The following FSTL4 variants were observed in gnomAD, a reference collection of about 807,000 sequenced individuals.
FSTL4 encodes the protein follistatin like 4.
FSTL4 carries 28 observed loss-of-function variants against 78.2 expected under a neutral mutation model. That is an observed-to-expected ratio of 0.36 (90% confidence interval 0.27 to 0.49). FSTL4 has a LOEUF of 0.49. FSTL4 is among the 20% of genes least tolerant of loss of function. The probability of loss-of-function intolerance (pLI) is 0.98; values close to 1 mark genes in which losing one functional copy is unlikely to be tolerated. For synonymous variants in FSTL4, 422 were observed against 440.5 expected (o/e 0.96, Z 0.53); for missense variants, 922 against 1,084.9 (o/e 0.85, Z 2.11).
In FSTL4 at chr5:133,342,248, C is replaced by T. The variant is rs147868291; in HGVS notation, c.410-25596G>A. Among the ~76,000 whole-genome samples, 253 of 152,114 alleles carry T rather than the reference C, an allele frequency of 1.7e-3. 2 individuals are homozygous for T. The highest frequency in any genetic ancestry group is 9.5e-3 in the East Asian group (49 of 5,180). On this transcript the variant is annotated intron_variant, in intron 4 of 15. Transcript: ENST00000265342. ...ACCCCCATGTGGCTGCAGAGAGAGG[C>T]GGCAGAGGTAGGAGGAGAAGCTGTG...
Position 133,309,521 on chromosome 5 carries a change from C to T in FSTL4, c.727+3133G>A, listed in dbSNP as rs777307552. 4.6e-5 allele frequency among the ~76,000 whole-genome samples: 7 copies of T among 152,262 alleles called. No homozygotes were observed. In the East Asian group the frequency reaches 5.8e-4, roughly 13 times the overall value. On this transcript the variant is annotated intron_variant, in intron 6 of 15. Transcript: ENST00000265342. ...GAGGAGAGTCACCTGTTCCTCAGAGCCAGGAAGGGGGTACAGCCCCATCAC... is the reference window on the plus strand; with the variant it reads ...GAGGAGAGTCACCTGTTCCTCAGAGTCAGGAAGGGGGTACAGCCCCATCAC...
chr5:133,487,771 A>G (rs1372275962), intron 3 of FSTL4, among the ~76,000 whole-genome samples: 4 of 152,116 alleles, frequency 2.6e-5, no homozygotes, highest in African/African-American at 4.8e-5. Flanking sequence ...TGCCCCACTG[A>G]GCTCATTTCC....
the FSTL4 span, among the ~76,000 whole-genome samples, chr5:133,667,006 A>G: frequency 1.3e-5 from 2 of 152,208 alleles, no homozygotes; most frequent in Non-Finnish European, 2.9e-5. Flanking sequence ...AGGCTCATGT[A>G]ACCAACTGCC....
chr5:133,492,143 T>G (rs540416194), intron 3 of FSTL4, among the ~76,000 whole-genome samples: 173 of 152,290 alleles, frequency 1.1e-3, no homozygotes, highest in African/African-American at 3.9e-3. Context: ...ACGCCTAAAG[T>G]TTTTTAAGGC....
At chr5:133,782,915 G>T in the FSTL4 span, among the ~76,000 whole-genome samples, 1 of 152,178 alleles carries the variant, frequency 6.6e-6, no homozygotes, top group African/African-American at 2.4e-5. Flanking sequence ...GGAGGGAGGA[G>T]GAACCCTGTC....
intron 4 of FSTL4, among the ~76,000 whole-genome samples, chr5:133,329,508 G>A (rs1444602375): frequency 6.6e-6 from 1 of 152,154 alleles, no homozygotes; most frequent in African/African-American, 2.4e-5. Context: ...GAGGAGCAAG[G>A]AGAGCCAGTC....
the FSTL4 span, among the ~76,000 whole-genome samples, chr5:133,775,656 A>G: frequency 3.3e-5 from 5 of 152,222 alleles, no homozygotes; most frequent in Non-Finnish European, 7.3e-5. Flanking sequence ...AAGGTGGAAG[A>G]GTAGATTGTA....
chr5:133,271,608 C>T (rs1752766585), intron 6 of FSTL4, among the ~76,000 whole-genome samples: 1 of 152,198 alleles, frequency 6.6e-6, no homozygotes, highest in African/African-American at 2.4e-5. Flanking sequence ...TACCAAGTCC[C>T]TTCTGTTCTC....
At chr5:133,224,411 C>T (rs1171777850) in intron 10 of FSTL4, 195 bp from the exon 11 acceptor site, 3 of 482,094 alleles carry the variant, frequency 6.2e-6, no homozygotes, top group African/African-American at 2.0e-5. Context: ...CAAATGCTTT[C>T]AGGTCTCCAG....
At chr5:133,729,730 G>C in the FSTL4 span, among the ~76,000 whole-genome samples, 1 of 152,108 alleles carries the variant, frequency 6.6e-6, no homozygotes, top group Non-Finnish European at 1.5e-5. Context: ...GAGAAGAGAA[G>C]AAGAAAAAGA....
intron 14 of FSTL4, among the ~76,000 whole-genome samples, chr5:133,205,020 TC>T (rs1310936263): frequency 6.6e-6 from 1 of 152,110 alleles, no homozygotes; most frequent in Non-Finnish European, 1.5e-5. Context: ...ATAATGCATA[TC>T]CTAGACTTTC....
the FSTL4 span, among the ~76,000 whole-genome samples, chr5:133,662,349 T>A: frequency 6.6e-6 from 1 of 152,224 alleles, no homozygotes; most frequent in African/African-American, 2.4e-5. Context: ...CCATTAATAT[T>A]TGCCAAATTA....
intron 3 of FSTL4, among the ~76,000 whole-genome samples, chr5:133,530,096 T>C (rs753023050): frequency 1.8e-4 from 28 of 152,358 alleles, no homozygotes; most frequent in Non-Finnish European, 3.8e-4. Flanking sequence ...TGTGTATTTG[T>C]TTTTTGTTTG....
intron 4 of FSTL4, among the ~76,000 whole-genome samples, chr5:133,371,624 A>G (rs1255289380): frequency 6.6e-6 from 1 of 152,220 alleles, no homozygotes; most frequent in East Asian, 1.9e-4. Flanking sequence ...GTGTCAGATG[A>G]TTCATGTGCG....
chr5:133,569,503 T>C (rs954953498), intron 2 of FSTL4, among the ~76,000 whole-genome samples: 1 of 152,256 alleles, frequency 6.6e-6, no homozygotes, highest in Non-Finnish European at 1.5e-5. Flanking sequence ...CATTTGTTTA[T>C]TGACTGTTTC....
At chr5:133,291,212 G>A (rs1414510764) in intron 6 of FSTL4, among the ~76,000 whole-genome samples, 1 of 152,158 alleles carries the variant, frequency 6.6e-6, no homozygotes, top group Admixed American at 6.5e-5. Context: ...TAAGTGTGTG[G>A]TGCCTCTAAG....
chr5:133,840,648 C>T, the FSTL4 span, among the ~76,000 whole-genome samples: 1 of 152,176 alleles, frequency 6.6e-6, no homozygotes, highest in Non-Finnish European at 1.5e-5. Flanking sequence ...CAAAGTCAAC[C>T]TTTATTTTAC....
chr5:133,417,486 AT>A (rs1756599520), intron 3 of FSTL4, among the ~76,000 whole-genome samples: 1 of 152,226 alleles, frequency 6.6e-6, no homozygotes, highest in Admixed American at 6.5e-5. Flanking sequence ...TTGGCTAAAA[AT>A]TTACAAAACT....
chr5:133,214,266 T>C (rs1430815760), intron 13 of FSTL4, among the ~76,000 whole-genome samples: 1 of 152,226 alleles, frequency 6.6e-6, no homozygotes, highest in Non-Finnish European at 1.5e-5. Flanking sequence ...AAATTGGTCA[T>C]AAACTCAGTC....
Sources: allele counts gnomAD v4.1 joint callset (sites outside exome capture counted in the v4.1 genomes callset), GRCh38; gene constraint gnomAD v4.1.1; transcripts MANE v1.5; gene names NCBI Gene and HGNC (gene_info 2026-07-23, HGNC 2026-07-21).